Variants in DHX29 observed in about 807,000 individuals in gnomAD.
The protein encoded by DHX29 is DExH-box helicase 29.
Under a neutral mutation model 167.9 loss-of-function variants are expected in DHX29, and 79 were observed. The ratio of observed to expected loss-of-function variants is 0.47; its 90% CI spans 0.39 to 0.57. The LOEUF (loss-of-function observed/expected upper bound fraction) is 0.57, where lower values mean the gene tolerates loss of function less well. Ranked by LOEUF, DHX29 falls within the 20% of genes least tolerant of loss-of-function variation. DHX29 has a pLI of 0.00. For synonymous variants in DHX29, 530 were observed against 546.0 expected (o/e 0.97, Z 0.41); for missense variants, 1,347 against 1,593.4 (o/e 0.85, Z 2.63).
intron 25 of DHX29, among the ~76,000 whole-genome samples, chr5:55,260,829 T>C (rs1746279247): frequency 6.6e-6 from 1 of 152,214 alleles, no homozygotes; most frequent in Non-Finnish European, 1.5e-5. Flanking sequence ...GAAATAAGCA[T>C]AGGTTGGTCT....
At chr5:55,303,549 A>G (rs1748709711) in intron 1 of DHX29, among the ~76,000 whole-genome samples, 2 of 152,194 alleles carry the variant, frequency 1.3e-5, no homozygotes, top group South Asian at 4.1e-4. Context: ...TAAACCAGCT[A>G]AAGTTTCTCC....
chr5:55,267,650 A>C, intron 22 of DHX29, 36 bp downstream of exon 22: 1 of 1,562,332 alleles, frequency 6.4e-7, no homozygotes, highest in Non-Finnish European at 8.7e-7. Context: ...ACCTCAGGTA[A>C]TTGGCTTACT....
At chr5:55,269,338 C>T (rs1165164430) in intron 21 of DHX29, 75 bp downstream of exon 21, 7 of 1,444,116 alleles carry the variant, frequency 4.8e-6, no homozygotes, top group Non-Finnish European at 5.7e-6. Context: ...TTTTACTTAA[C>T]AATTGTTTCC....
At chr5:55,290,107 T>C in intron 7 of DHX29, 111 bp downstream of exon 7, 1 of 1,306,492 alleles carries the variant, frequency 7.7e-7, no homozygotes, top group Non-Finnish European at 1.0e-6. Context: ...ATCCCATGTA[T>C]AAACTGTTAG....
At position 55,285,411 on chromosome 5, in the gene DHX29, C is replaced by CT; in HGVS notation, c.1237dup (p.Arg413LysfsTer6). The CT allele has an allele frequency of 6.2e-7, 1 of 1,606,686 alleles. No individual in the cohort carries two copies. Among genetic ancestry groups the CT allele is most frequent in the Non-Finnish European group, 8.5e-7 (1 of 1,177,528 alleles). The stretch of plus-strand genomic sequence containing the variant: ...GACATCATCTTCAGACTTGATTACC[C>CT]TAACCCTACAAAGAAGCAAACGCAT... On this transcript the variant is annotated frameshift_variant, in exon 10 of 27. Transcript: ENST00000251636. LOFTEE classifies it high-confidence loss of function.
At position 55,277,219 on chromosome 5, in the gene DHX29, G is replaced by A. The variant is rs145702118; in HGVS notation, c.2173C>T (p.Arg725Cys). The A allele has an allele frequency of 1.2e-5, 19 of 1,609,008 alleles. No individual in the cohort carries two copies. Among genetic ancestry groups the A allele is most frequent in the South Asian group, 2.2e-5 (2 of 90,452 alleles). Residue 725 changes from arginine to cysteine, a missense_variant, in exon 13 of 27, where the codon CGT becomes TGT. Physicochemically the swap from Arg to Cys is radical, Grantham distance 180 (BLOSUM62 -3). Around this residue, in one of 3 missense-constraint regions of DHX29, gnomAD observed 882 missense variants for 1,082.4 expected, o/e 0.81. Coordinates refer to ENST00000251636, the MANE Select transcript of DHX29 (RefSeq NM_019030.4). ...ATTAGAATCAAGTGTAGATCAGAAC[G>A]TTTCTGTAAAATTTCCTTCAAGATA... ...LIILKEILQK[R>C]SDLHLILMSA...
intron 10 of DHX29, 111 bp from the exon 11 acceptor site, chr5:55,283,922 AATT>A (rs1269725813): frequency 2.4e-6 from 2 of 843,814 alleles, no homozygotes; most frequent in Non-Finnish European, 1.7e-6. Flanking sequence ...ATTTGACTCA[AATT>A]ATTATTACTT....
rs1385675837 is a variant in DHX29, at chr5:55,296,319, A to G, written c.406T>C (p.Phe136Leu). 6.2e-7 allele frequency: 1 copy of G among 1,613,306 alleles called. No individual in the cohort carries two copies. The highest frequency in any genetic ancestry group is 2.2e-5 in the East Asian group (1 of 44,778). ...GCATCTTCAATGTCCTTTGTCTTAA[A>G]TGAAAATGCTTGTAAAGCCATGTAT... ...DLYMALQAFS[F>L]KTKDIEDAMT... is the part of the protein sequence containing the mutation. Residue 136 changes from phenylalanine to leucine, a missense_variant, in exon 4 of 27, where the codon TTT (phenylalanine) becomes CTT (leucine). Coordinates refer to ENST00000251636, the MANE Select transcript of DHX29 (RefSeq NM_019030.4).
chr5:55,275,600 T>C (rs1747066626), intron 14 of DHX29, among the ~76,000 whole-genome samples: 1 of 152,230 alleles, frequency 6.6e-6, no homozygotes, highest in South Asian at 2.1e-4. Flanking sequence ...ATATCATGGC[T>C]ATGACAAAAA....
chr5:55,273,000 G>C (rs957175913), intron 17 of DHX29, among the ~76,000 whole-genome samples: 1 of 151,668 alleles, frequency 6.6e-6, no homozygotes, highest in Admixed American at 6.6e-5. Flanking sequence ...ATGCCTTCTT[G>C]GGAAAAAGTT....
At chr5:55,293,705 A>G (rs113871266) in intron 6 of DHX29, among the ~76,000 whole-genome samples, 1,661 of 152,246 alleles carry the variant, frequency 0.011, 26 homozygotes, top group African/African-American at 0.037. Context: ...TTCTCTCTAG[A>G]CCGTGAACTT....
chr5:55,274,755 T>C (rs1019399937), intron 15 of DHX29, 24 bp from the exon 16 acceptor site: 8 of 1,569,224 alleles, frequency 5.1e-6, no homozygotes, highest in Non-Finnish European at 6.9e-6. Context: ...AAAGATACAA[T>C]ATTCAAAATA....
At chr5:55,281,340 A>C (rs1747401856) in intron 12 of DHX29, 32 bp downstream of exon 12, 6 of 1,463,350 alleles carry the variant, frequency 4.1e-6, no homozygotes, top group Middle Eastern at 1.8e-4. Context: ...AAATATTTCA[A>C]ATTTTTGAAT....
Position 55,262,724 on chromosome 5 carries a change from C to T in DHX29, c.3734G>A (p.Cys1245Tyr). 6.2e-7 allele frequency: 1 copy of T among 1,614,040 alleles called. No homozygotes were observed. Among genetic ancestry groups the T allele is most frequent in the Non-Finnish European group, 8.5e-7 (1 of 1,179,970 alleles). ...KSVDVTEKLA[C>Y]IVETAQGKAQ... The stretch of plus-strand genomic sequence containing the variant: ...TTTGCCTTGGGCCGTCTCCACAATG[C>T]AAGCCAATTTTTCTGTAACATCCAC... Residue 1245 changes from cysteine (C) to tyrosine (Y), a missense_variant, in exon 24 of 27, where the codon TGC becomes TAC. Cys to Tyr is a radical substitution (Grantham distance 194). Coordinates refer to ENST00000251636, the MANE Select transcript of DHX29 (RefSeq NM_019030.4).
intron 8 of DHX29, among the ~76,000 whole-genome samples, chr5:55,287,177 C>G (rs552776002): frequency 2.9e-4 from 44 of 152,320 alleles, no homozygotes; most frequent in Non-Finnish European, 4.3e-4. Context: ...CATGGTGGGT[C>G]ACACCGGTAA....
intron 1 of DHX29, among the ~76,000 whole-genome samples, chr5:55,302,237 G>T (rs1385908119): frequency 6.6e-6 from 1 of 152,060 alleles, no homozygotes; most frequent in Non-Finnish European, 1.5e-5. Context: ...ATCAATTATA[G>T]TAAGCTTGTG....
chr5:55,279,941 A>G lies in DHX29; in HGVS notation c.2109+1431T>C, dbSNP rs113094313. The stretch of plus-strand genomic sequence containing the variant: ...AGAGCAAATAAAAATGCATACTATG[A>G]AGTATACTTGGTATAGATGGGCAGA... On this transcript the variant is annotated intron_variant, in intron 12 of 26. Transcript: ENST00000251636. Among the ~76,000 whole-genome samples the G allele has an allele frequency of 9.1e-3, 1,384 of 152,154 alleles. 20 individuals carry two copies. Among genetic ancestry groups the G allele is most frequent in the African/African-American group, 0.032 (1,309 of 41,482 alleles).
In DHX29 at chr5:55,269,518, C is replaced by T; in HGVS notation, c.3189G>A (p.Glu1063=). The change falls in exon 21 of 27, where the codon GAG becomes GAA. Residue 1063 remains glutamate, a synonymous_variant. Transcript: ENST00000251636. ...LRKIGACELN[E]PKLTPLGQHL... ...GTTGGCCCAACGGAGTCAGTTTAGG[C>T]TCATTTAATTCACAAGCTCCAATTT... 6.2e-7 allele frequency: 1 copy of T among 1,614,142 alleles called. No homozygotes were observed. The highest frequency in any genetic ancestry group is 2.2e-5 in the East Asian group (1 of 44,876).
chr5:55,295,354 T>G, intron 5 of DHX29, 25 bp downstream of exon 5: 1 of 1,569,416 alleles, frequency 6.4e-7, no homozygotes, highest in Non-Finnish European at 8.8e-7. Context: ...TTTATACAAC[T>G]TTAAATGCTT....
Sources: allele counts gnomAD v4.1 joint callset (sites outside exome capture counted in the v4.1 genomes callset), GRCh38; gene constraint gnomAD v4.1.1; regional missense constraint gnomAD v4.1.1; transcripts MANE v1.5; gene names NCBI Gene and HGNC (gene_info 2026-07-23, HGNC 2026-07-21).